The following SUPT3H variants were observed in gnomAD, a reference collection of about 807,000 sequenced individuals.
SUPT3H encodes the protein SPT3 homolog, SAGA and STAGA complex component.
Under a neutral mutation model 44.3 loss-of-function variants are expected in SUPT3H, and 44 were observed. That is an observed-to-expected ratio of 0.99 (90% confidence interval 0.78 to 1.28). The LOEUF is 1.28. SUPT3H is among the 50% of genes most tolerant of loss of function. SUPT3H has a pLI of 0.00. For synonymous variants in SUPT3H, 124 were observed against 125.6 expected (o/e 0.99, Z 0.09); for missense variants, 380 against 387.1 (o/e 0.98, Z 0.15).
At chr6:45,057,728 A>G (rs547801165) in intron 3 of SUPT3H, among the ~76,000 whole-genome samples, 1 of 152,276 alleles carries the variant, frequency 6.6e-6, no homozygotes, top group South Asian at 2.1e-4. Flanking sequence ...ATAAAGTTTA[A>G]TTATTGGGTC....
intron 2 of SUPT3H, among the ~76,000 whole-genome samples, chr6:45,224,902 T>G (rs1766677688): frequency 6.6e-6 from 1 of 152,246 alleles, no homozygotes; most frequent in African/African-American, 2.4e-5. Context: ...TATAATAAAT[T>G]TTGACACAGA....
intron 10 of SUPT3H, among the ~76,000 whole-genome samples, chr6:44,830,928 T>C (rs3799966): frequency 0.18 from 25,838 of 147,572 alleles, 2,728 homozygotes; most frequent in Admixed American, 0.3. Flanking sequence ...ACGATCAAGA[T>C]AATGCTATGG....
chr6:45,099,096 C>A, intron 3 of SUPT3H: 1 of 360,028 alleles, frequency 2.8e-6, no homozygotes, highest in Non-Finnish European at 5.5e-6. Flanking sequence ...GAACATTGCC[C>A]AGCCACCAGC....
At chr6:44,858,637 T>A (rs568209830) in intron 10 of SUPT3H, among the ~76,000 whole-genome samples, 3 of 152,318 alleles carry the variant, frequency 2.0e-5, no homozygotes, top group African/African-American at 7.2e-5. Context: ...AAATGGCAAT[T>A]TCATCTTTAT....
chr6:45,348,218 G>A (rs1353537919), intron 2 of SUPT3H, among the ~76,000 whole-genome samples: 2 of 151,956 alleles, frequency 1.3e-5, no homozygotes, highest in African/African-American at 2.4e-5. Flanking sequence ...TTAAAAGTCT[G>A]ACTCTGGAGT....
At chr6:45,240,973 G>A (rs1770190458) in intron 2 of SUPT3H, among the ~76,000 whole-genome samples, 1 of 152,162 alleles carries the variant, frequency 6.6e-6, no homozygotes, top group Admixed American at 6.5e-5. Flanking sequence ...GCTAGGAACT[G>A]GAGTGCTTGA....
chr6:45,375,549 ATTTTT>A (rs898959790), intron 1 of SUPT3H, among the ~76,000 whole-genome samples: 2 of 147,940 alleles, frequency 1.4e-5, no homozygotes. Flanking sequence ...CAAGAGCATC[ATTTTT>A]TTTTTTAAAG....
chr6:45,149,349 T>G (rs956550414), intron 2 of SUPT3H, among the ~76,000 whole-genome samples: 1 of 152,156 alleles, frequency 6.6e-6, no homozygotes, highest in Non-Finnish European at 1.5e-5. Flanking sequence ...GAATAAGGTT[T>G]AATAATTTAG....
intron 10 of SUPT3H, among the ~76,000 whole-genome samples, chr6:44,885,072 C>T (rs767890119): frequency 1.7e-4 from 26 of 152,272 alleles, no homozygotes; most frequent in Admixed American, 5.2e-4. Context: ...AAGGGGCACC[C>T]GCCATTGCCC....
chr6:45,169,124 A>G (rs1810384072), intron 2 of SUPT3H, among the ~76,000 whole-genome samples: 1 of 152,218 alleles, frequency 6.6e-6, no homozygotes, highest in Non-Finnish European at 1.5e-5. Flanking sequence ...TAACTACAAA[A>G]ACATTCATAA....
chr6:44,906,884 A>C (rs770364173), intron 10 of SUPT3H, among the ~76,000 whole-genome samples: 3 of 152,178 alleles, frequency 2.0e-5, no homozygotes, highest in Non-Finnish European at 4.4e-5. Flanking sequence ...ATGCATTAGT[A>C]CTTTTCCTGA....
intron 2 of SUPT3H, among the ~76,000 whole-genome samples, chr6:45,260,521 A>G (rs1262003312): frequency 6.6e-6 from 1 of 152,166 alleles, no homozygotes; most frequent in Non-Finnish European, 1.5e-5. Context: ...GATAATCATA[A>G]TAAATCATTT....
intron 2 of SUPT3H, among the ~76,000 whole-genome samples, chr6:45,353,295 C>T (rs1165843016): frequency 1.3e-5 from 2 of 151,738 alleles, no homozygotes; most frequent in African/African-American, 2.4e-5. Flanking sequence ...AAAATGATTC[C>T]TAAAAATTCA....
intron 2 of SUPT3H, among the ~76,000 whole-genome samples, chr6:45,286,514 G>A (rs1379601112): frequency 6.6e-6 from 1 of 152,174 alleles, no homozygotes; most frequent in African/African-American, 2.4e-5. Context: ...CTGGCCAGCA[G>A]AGAAATGCAA....
chr6:45,262,407 G>A (rs1774520646), intron 2 of SUPT3H, among the ~76,000 whole-genome samples: 1 of 151,968 alleles, frequency 6.6e-6, no homozygotes, highest in South Asian at 2.1e-4. Context: ...AACAAGTAAT[G>A]GGGAAAGGAC....
In SUPT3H at chr6:44,897,729, G is replaced by A. The variant is rs573969706; in HGVS notation, c.912+34924C>T. Among the ~76,000 whole-genome samples the A allele has an allele frequency of 1.1e-4, 17 of 152,204 alleles. 1 individual carries two copies. In the South Asian group the frequency reaches 3.5e-3, roughly 32 times the overall value. ...TCCTGGGGATACAACAGCGAGCAAA[G>A]GTGACCCAGACCCTGCTTCTGGAGG... On this transcript the variant is annotated intron_variant, in intron 10 of 10. Coordinates refer to ENST00000371459, the MANE Select transcript of SUPT3H (RefSeq NM_003599.4).
At chr6:45,035,910 A>G (rs1442780057) in intron 3 of SUPT3H, among the ~76,000 whole-genome samples, 1 of 152,126 alleles carries the variant, frequency 6.6e-6, no homozygotes, top group African/African-American at 2.4e-5. Flanking sequence ...AAAGAAAAAA[A>G]AAAGAGGTGA....
rs756342353 is a variant in SUPT3H at position 44,954,617 on chromosome 6, T to TA, written c.581-11dup. 49 of 1,567,924 alleles carry TA rather than the reference T, an allele frequency of 3.1e-5. No homozygotes were observed. The highest frequency in any genetic ancestry group is 8.6e-5 in the Admixed American group (5 of 58,358). ...TTGGAAGCTTTTTTGGCTGGCCATT[T>TA]AAAAAAAACAAGTGCAGAAATTTTA... On this transcript the variant is annotated splice_polypyrimidine_tract_variant and intron_variant, in intron 7 of 10. Transcript: ENST00000371459.
chr6:45,017,222 T>C (rs1297955582), intron 4 of SUPT3H, among the ~76,000 whole-genome samples: 1 of 150,320 alleles, frequency 6.7e-6, no homozygotes, highest in Non-Finnish European at 1.5e-5. Context: ...TTTGTTTGAG[T>C]TCATTGTAGA....
Sources: allele counts gnomAD v4.1 joint callset (sites outside exome capture counted in the v4.1 genomes callset), GRCh38; gene constraint gnomAD v4.1.1; transcripts MANE v1.5; gene names NCBI Gene and HGNC (gene_info 2026-07-23, HGNC 2026-07-21).